Variants in SLCO4C1 observed in about 807,000 individuals in gnomAD.
SLCO4C1 encodes organic anion transporter M1.
Under a neutral mutation model 72.1 loss-of-function variants are expected in SLCO4C1, and 58 were observed. That is an observed-to-expected ratio of 0.80 (90% confidence interval 0.65 to 1.00). The LOEUF (loss-of-function observed/expected upper bound fraction) is 1.00. SLCO4C1 is among the 50% of genes least tolerant of loss of function. The pLI is 0.00. For synonymous variants in SLCO4C1, 297 were observed against 312.5 expected, an observed-to-expected ratio of 0.95 and a Z score of 0.52; for missense variants, 898 against 857.9, an observed-to-expected ratio of 1.05 and a Z score of -0.58.
Position 102,236,606 on chromosome 5 carries a change from G to A in SLCO4C1, c.*252C>T, listed in dbSNP as rs934934602. 1.7e-4 allele frequency: 25 copies of A among 145,434 alleles called. No homozygotes were observed. The highest frequency in any genetic ancestry group is 9.9e-4 in the African/African-American group (19 of 19,160). The allele number at this position is 145,434 out of a possible 1,614,324, so 9.0% of individuals were successfully genotyped here. A position where few individuals can be genotyped will look rare whatever the true frequency, so the allele number is the denominator to read the frequency against. On this transcript the variant is annotated 3_prime_UTR_variant, in exon 13 of 13. Transcript: ENST00000310954. ...CGTGTGTGTGTGTGTGTGTGTGTTCGTGTGTGTGTGTGTGTGTGTGCTCGT... is the reference window on the plus strand; with the variant it reads ...CGTGTGTGTGTGTGTGTGTGTGTTCATGTGTGTGTGTGTGTGTGTGCTCGT...
At chr5:102,252,408 C>T (rs1358622932) in intron 8 of SLCO4C1, among the ~76,000 whole-genome samples, 1 of 152,040 alleles carries the variant, frequency 6.6e-6, no homozygotes, top group African/African-American at 2.4e-5. Context: ...CCTGCAGTCT[C>T]ATCTTATTCA....
chr5:102,235,125 TA>T lies in SLCO4C1; in HGVS notation c.*1732del, dbSNP rs1281572430. Reference sequence around the variant, plus strand: ...CTTGAATTTCACTTTACAATTGCGCTAGGTTCTAACATCGTTGGCCATAGAT... The same window carrying T: ...CTTGAATTTCACTTTACAATTGCGCTGGTTCTAACATCGTTGGCCATAGAT... On this transcript the variant is annotated 3_prime_UTR_variant, in exon 13 of 13. Coordinates refer to ENST00000310954, the MANE Select transcript of SLCO4C1 (RefSeq NM_180991.5). 6.6e-6 allele frequency: 1 copy of T among 151,620 alleles called. No individual in the cohort carries two copies. Among genetic ancestry groups the T allele is most frequent in the Non-Finnish European group, 1.5e-5 (1 of 67,868 alleles). The allele number at this position is 151,620 out of a possible 1,614,324, so 9.4% of individuals were successfully genotyped here.
intron 11 of SLCO4C1, among the ~76,000 whole-genome samples, chr5:102,240,388 T>C (rs900863052): frequency 1.3e-5 from 2 of 152,092 alleles, no homozygotes; most frequent in African/African-American, 4.8e-5. Context: ...TAATTGCTAG[T>C]GTAACACAAT....
Position 102,295,981 on chromosome 5 carries a change from A to G in SLCO4C1, c.282T>C (p.His94=). ...EEGSYGWRNF[H]PQCLQRCNTP... is the part of the protein sequence containing the mutation. ...TGTTGCAGCGCTGGAGACATTGAGG[A>G]TGGAAGTTCCTCCAGCCGTAAGACC... Residue 94 remains histidine (H), a synonymous_variant, in exon 1 of 13, where the codon CAT becomes CAC. Coordinates refer to ENST00000310954, the MANE Select transcript of SLCO4C1 (RefSeq NM_180991.5). 6.2e-7 allele frequency: 1 copy of G among 1,614,232 alleles called. No homozygotes were observed. Among genetic ancestry groups the G allele is most frequent in the Non-Finnish European group, 8.5e-7 (1 of 1,180,044 alleles).
Position 102,236,085 on chromosome 5 carries a change from A to T in SLCO4C1, c.*773T>A, listed in dbSNP as rs989170161. 6 of 152,204 alleles carry T rather than the reference A, an allele frequency of 3.9e-5. No homozygotes were observed. Among genetic ancestry groups the T allele is most frequent in the African/African-American group, 1.4e-4 (6 of 41,450 alleles). The allele number at this position is 152,204 out of a possible 1,614,324, so 9.4% of individuals were successfully genotyped here. A position where few individuals can be genotyped will look rare whatever the true frequency, so the allele number is the denominator to read the frequency against. On this transcript the variant is annotated 3_prime_UTR_variant, in exon 13 of 13. Coordinates refer to ENST00000310954, the MANE Select transcript of SLCO4C1 (RefSeq NM_180991.5). ...TGACTGGTACTTTCCTCTGAAATAT[A>T]TGCAATTGAATAATATTATCACAGA... is the stretch of plus-strand genomic sequence containing the variant.
At chr5:102,291,845 G>C in intron 1 of SLCO4C1, among the ~76,000 whole-genome samples, 1 of 151,644 alleles carries the variant, frequency 6.6e-6, no homozygotes, top group South Asian at 2.1e-4. Context: ...TTTTGAGACA[G>C]AGTTTCACTT....
At chr5:102,262,396 T>C (rs1439966714) in intron 4 of SLCO4C1, among the ~76,000 whole-genome samples, 1 of 152,204 alleles carries the variant, frequency 6.6e-6, no homozygotes, top group Non-Finnish European at 1.5e-5. Flanking sequence ...AAATCACTGA[T>C]CTGTGTTAAA....
rs146764049 is a variant in SLCO4C1 at position 102,255,482 on chromosome 5, G to T, written c.1469+1633C>A. Among the ~76,000 whole-genome samples, 18 of 152,098 alleles carry T rather than the reference G, an allele frequency of 1.2e-4. No homozygotes were observed. In the East Asian group the frequency reaches 2.7e-3, roughly 23 times the overall value. Reference sequence around the variant, plus strand: ...TGAAGTTTATAGGGGTGAAAGTCAGGTCTACACAACTTAACCTCTACCTAC... The same window carrying T: ...TGAAGTTTATAGGGGTGAAAGTCAGTTCTACACAACTTAACCTCTACCTAC... On this transcript the variant is annotated intron_variant, in intron 8 of 12. Transcript: ENST00000310954.
intron 8 of SLCO4C1, among the ~76,000 whole-genome samples, chr5:102,250,790 A>G (rs1206135037): frequency 6.6e-6 from 1 of 152,052 alleles, no homozygotes; most frequent in Non-Finnish European, 1.5e-5. Context: ...GGAATTTGAG[A>G]CCAGCCTGGC....
At chr5:102,284,425 TA>T (rs1749411359) in intron 2 of SLCO4C1, among the ~76,000 whole-genome samples, 4 of 152,174 alleles carry the variant, frequency 2.6e-5, no homozygotes, top group Admixed American at 2.0e-4. Context: ...TAGTTAAACC[TA>T]AAGCAGATAG....
chr5:102,287,713 T>A (rs1749481362), intron 2 of SLCO4C1, among the ~76,000 whole-genome samples: 2 of 147,982 alleles, frequency 1.4e-5, no homozygotes, highest in South Asian at 4.2e-4. Flanking sequence ...CATGGCTAAT[T>A]TTTTTTTTCT....
chr5:102,280,305 G>A (rs558926584), intron 2 of SLCO4C1, among the ~76,000 whole-genome samples: 1 of 151,462 alleles, frequency 6.6e-6, no homozygotes, highest in South Asian at 2.1e-4. Context: ...CCATATACTG[G>A]CAATGAACAT....
rs1302280369 is a variant in SLCO4C1 at position 102,240,861 on chromosome 5, A to G, written c.1812-79T>C. 2.1e-5 allele frequency: 20 copies of G among 968,660 alleles called. No individual in the cohort carries two copies. In the East Asian group the frequency reaches 5.1e-4, roughly 25 times the overall value. The allele number at this position is 968,660 out of a possible 1,614,324, so 60.0% of individuals were successfully genotyped here. On this transcript the variant is annotated intron_variant, in intron 10 of 12. Coordinates refer to ENST00000310954, the MANE Select transcript of SLCO4C1 (RefSeq NM_180991.5). ...CTTTGAGCAAGTTCACATTTATAAG[A>G]GTTTAGCATTCCTATATTAAAGTAA...
chr5:102,282,362 C>T (rs1027665133), intron 2 of SLCO4C1, among the ~76,000 whole-genome samples: 4 of 151,888 alleles, frequency 2.6e-5, no homozygotes, highest in African/African-American at 9.7e-5. Context: ...CACAGAAAAA[C>T]AGTACGACAA....
chr5:102,282,131 G>C (rs570743504), intron 2 of SLCO4C1, among the ~76,000 whole-genome samples: 2 of 152,004 alleles, frequency 1.3e-5, no homozygotes, highest in African/African-American at 4.8e-5. Flanking sequence ...AAATTACTCA[G>C]ACTAAAAAAA....
intron 2 of SLCO4C1, among the ~76,000 whole-genome samples, chr5:102,284,840 C>T (rs140112003): frequency 1.3e-5 from 2 of 152,116 alleles, no homozygotes; most frequent in Admixed American, 6.5e-5. Context: ...TTCATTGACA[C>T]ATTTTTTTCC....
At chr5:102,266,993 G>T (rs1334685159) in intron 3 of SLCO4C1, among the ~76,000 whole-genome samples, 1 of 152,100 alleles carries the variant, frequency 6.6e-6, no homozygotes, top group Non-Finnish European at 1.5e-5. Flanking sequence ...TGAACATGGT[G>T]TATTATTTTT....
chr5:102,256,420 T>C (rs1278026883), intron 8 of SLCO4C1, among the ~76,000 whole-genome samples: 1 of 152,186 alleles, frequency 6.6e-6, no homozygotes. Flanking sequence ...AACGTACCAC[T>C]TTCCTTGACA....
chr5:102,278,192 A>G (rs954401708), intron 2 of SLCO4C1, among the ~76,000 whole-genome samples: 1 of 152,196 alleles, frequency 6.6e-6, no homozygotes, highest in Non-Finnish European at 1.5e-5. Context: ...GCATTAATCA[A>G]AATAATGTAG....
Sources: allele counts gnomAD v4.1 joint callset (sites outside exome capture counted in the v4.1 genomes callset), GRCh38; gene constraint gnomAD v4.1.1; transcripts MANE v1.5; gene names NCBI Gene and HGNC (gene_info 2026-07-23, HGNC 2026-07-21).